The following NAV2 variants were observed in gnomAD, a reference collection of about 807,000 sequenced individuals.
The protein encoded by NAV2 is helicase, APC down-regulated 1.
A neutral mutation model predicts 223.2 loss-of-function variants in NAV2; 54 were observed. The ratio of observed to expected loss-of-function variants is 0.24; its 90% CI spans 0.19 to 0.30. The LOEUF is 0.30. NAV2 is among the 10% of genes least tolerant of loss of function. The pLI, the probability that NAV2 is intolerant of heterozygous loss-of-function variation, is 1.00. For synonymous variants in NAV2, 1,279 were observed against 1,239.3 expected, an observed-to-expected ratio of 1.03 and a Z score of -0.67; for missense variants, 2,806 against 3,147.5, an observed-to-expected ratio of 0.89 and a Z score of 2.60.
At chr11:19,936,548 C>T (rs1555157261) in intron 7 of NAV2, among the ~76,000 whole-genome samples, 1 of 152,178 alleles carries the variant, frequency 6.6e-6, no homozygotes, top group Non-Finnish European at 1.5e-5. Flanking sequence ...GTCCTTCTGT[C>T]CCCTCTGAGT....
intron 1 of NAV2, among the ~76,000 whole-genome samples, chr11:19,698,018 C>T (rs1055881318): frequency 2.0e-5 from 3 of 152,220 alleles, no homozygotes; most frequent in Non-Finnish European, 4.4e-5. Context: ...CCAGAATCTT[C>T]ACTACACTGT....
chr11:19,447,768 G>A (rs1313769835), intron 1 of NAV2, among the ~76,000 whole-genome samples: 6 of 152,144 alleles, frequency 3.9e-5, no homozygotes, highest in Admixed American at 3.9e-4. Flanking sequence ...GGGTTGACTT[G>A]TAAGACGTGC....
chr11:19,705,614 GTCTA>G (rs1362875406), intron 1 of NAV2, among the ~76,000 whole-genome samples: 1 of 151,890 alleles, frequency 6.6e-6, no homozygotes, highest in Non-Finnish European at 1.5e-5. Flanking sequence ...TCTCACTCTT[GTCTA>G]TCTCTTTTCT....
intron 6 of NAV2, among the ~76,000 whole-genome samples, chr11:19,909,919 A>G (rs143874612): frequency 6.6e-6 from 1 of 152,324 alleles, no homozygotes; most frequent in Non-Finnish European, 1.5e-5. Context: ...AACTTATATA[A>G]CTGCTTATAA....
intron 1 of NAV2, among the ~76,000 whole-genome samples, chr11:19,799,012 G>T (rs571427403): frequency 1.3e-5 from 2 of 152,330 alleles, no homozygotes; most frequent in East Asian, 3.9e-4. Flanking sequence ...AGGAGAAGAG[G>T]TGAGCAGAGG....
At chr11:19,710,140 T>C (rs1291766432), upstream of NAV2, among the ~76,000 whole-genome samples, 3 of 152,206 alleles carry the variant, frequency 2.0e-5, no homozygotes. Context: ...ATAATATGTA[T>C]TTCACTATTT....
At chr11:19,955,244 A>G (rs1387217761) in intron 10 of NAV2, among the ~76,000 whole-genome samples, 2 of 152,094 alleles carry the variant, frequency 1.3e-5, no homozygotes, top group African/African-American at 4.8e-5. Context: ...TGTTGCAACA[A>G]ATAATTTAAA....
intron 1 of NAV2, among the ~76,000 whole-genome samples, chr11:19,502,071 T>C (rs1165855338): frequency 1.3e-5 from 2 of 152,270 alleles, no homozygotes; most frequent in East Asian, 1.9e-4. Flanking sequence ...GAGCCACACA[T>C]AGTGGCCATG....
intron 3 of NAV2, among the ~76,000 whole-genome samples, chr11:19,862,663 C>T (rs1410458079): frequency 6.6e-6 from 1 of 152,148 alleles, no homozygotes; most frequent in Admixed American, 6.5e-5. Flanking sequence ...AGTGTCAGGA[C>T]CCCGCAAGCT....
chr11:20,079,920 C>A, intron 24 of NAV2, 144 bp from the exon 25 acceptor site: 1 of 779,436 alleles, frequency 1.3e-6, no homozygotes, highest in Non-Finnish European at 2.0e-6. Flanking sequence ...ATCTTAGAAA[C>A]AGCTGTAGGG....
At chr11:19,868,843 GT>G in intron 3 of NAV2, 81 bp from the exon 4 acceptor site, 1 of 1,390,600 alleles carries the variant, frequency 7.2e-7, no homozygotes. Context: ...ACAGCATTCT[GT>G]TTTCCCATTG....
intron 1 of NAV2, among the ~76,000 whole-genome samples, chr11:19,677,128 G>T (rs2048738068): frequency 6.6e-6 from 1 of 152,232 alleles, no homozygotes; most frequent in South Asian, 2.1e-4. Flanking sequence ...GCTGCAGTCG[G>T]GTCCAGACCA....
intron 11 of NAV2, among the ~76,000 whole-genome samples, chr11:20,002,583 C>T (rs1206475607): frequency 6.6e-6 from 1 of 151,948 alleles, no homozygotes; most frequent in African/African-American, 2.4e-5. Context: ...AACAGCAGTC[C>T]CGGTTTGGTA....
At chr11:20,041,528 T>A (rs574665139) in intron 12 of NAV2, among the ~76,000 whole-genome samples, 1 of 152,184 alleles carries the variant, frequency 6.6e-6, no homozygotes, top group Non-Finnish European at 1.5e-5. Context: ...TATAGGAACA[T>A]TAAAAGAATA....
intron 11 of NAV2, among the ~76,000 whole-genome samples, chr11:20,017,563 G>C (rs1442756465): frequency 6.6e-6 from 1 of 152,116 alleles, no homozygotes; most frequent in Non-Finnish European, 1.5e-5. Context: ...TAATGATTTT[G>C]CTTGTTTGTC....
intron 1 of NAV2, among the ~76,000 whole-genome samples, chr11:19,548,888 A>G (rs939244958): frequency 6.6e-6 from 1 of 151,842 alleles, no homozygotes; most frequent in Non-Finnish European, 1.5e-5. Context: ...AAAAAAAAAA[A>G]AAAAAAAACA....
In NAV2 at chr11:19,417,331, AAC is replaced by A. The variant is rs1262559901; in HGVS notation, c.75+66308_75+66309del. Among the ~76,000 whole-genome samples, 3 of 152,230 alleles carry A rather than the reference AAC, an allele frequency of 2.0e-5. No homozygotes were observed. In the East Asian group the frequency reaches 5.8e-4, roughly 29 times the overall value. On this transcript the variant is annotated intron_variant, in intron 1 of 37. Transcript: ENST00000360655. ...AAAGAAGACATTTATGTGGCCAAAA[AAC>A]ACATGGAAAAAAGCTCATCATCACT...
intron 1 of NAV2, among the ~76,000 whole-genome samples, chr11:19,678,251 G>T (rs2048775623): frequency 6.6e-6 from 1 of 152,140 alleles, no homozygotes; most frequent in Non-Finnish European, 1.5e-5. Context: ...TTGTAGGATT[G>T]AACCTTCACA....
At chr11:19,640,195 A>G (rs1390379321) in intron 1 of NAV2, among the ~76,000 whole-genome samples, 1 of 152,176 alleles carries the variant, frequency 6.6e-6, no homozygotes, top group African/African-American at 2.4e-5. Context: ...CTGGAATGGC[A>G]TTTTCCAAGC....
Sources: allele counts gnomAD v4.1 joint callset (sites outside exome capture counted in the v4.1 genomes callset), GRCh38; gene constraint gnomAD v4.1.1; transcripts MANE v1.5; gene names NCBI Gene and HGNC (gene_info 2026-07-23, HGNC 2026-07-21).